Variants in KCNIP1 observed in about 807,000 individuals in gnomAD.
KCNIP1 encodes the protein A-type potassium channel modulatory protein KCNIP1.
A neutral mutation model predicts 33.0 loss-of-function variants in KCNIP1; 18 were observed. The observed-to-expected ratio is 0.55, with a 90% CI of 0.38 to 0.81. KCNIP1 has a LOEUF of 0.81. Ranked by LOEUF, KCNIP1 falls within the 30% of genes least tolerant of loss-of-function variation. The probability of loss-of-function intolerance (pLI) is 0.00; values close to 1 mark genes in which losing one functional copy is unlikely to be tolerated. For synonymous variants in KCNIP1, 93 were observed against 98.3 expected, an observed-to-expected ratio of 0.95 and a Z score of 0.32; for missense variants, 238 against 271.6, an observed-to-expected ratio of 0.88 and a Z score of 0.87.
chr5:170,502,931 A>G (rs1035966399), upstream of KCNIP1, among the ~76,000 whole-genome samples: 3 of 152,168 alleles, frequency 2.0e-5, no homozygotes, highest in Non-Finnish European at 2.9e-5. Flanking sequence ...CAGGGACGCA[A>G]ACTTTGCCCA....
At position 170,510,333 on chromosome 5, in the gene KCNIP1, A is replaced by G. The variant is rs573708590; in HGVS notation, c.61+5700A>G. ...TCCCAGGGCCTCTGTCAGGCCTGAC[A>G]CTGCATCCAGGCTTGATGGATGCTG... On this transcript the variant is annotated intron_variant, in intron 1 of 7. Coordinates refer to ENST00000328939, the MANE Select transcript of KCNIP1 (RefSeq NM_014592.4). Among the ~76,000 whole-genome samples the G allele has an allele frequency of 3.9e-5, 6 of 152,364 alleles. No individual in the cohort carries two copies. In the South Asian group the frequency reaches 1.2e-3, roughly 32 times the overall value.
At chr5:170,572,624 C>T (rs1015781476) in intron 1 of KCNIP1, among the ~76,000 whole-genome samples, 1 of 152,204 alleles carries the variant, frequency 6.6e-6, no homozygotes, top group Non-Finnish European at 1.5e-5. Context: ...GATTAATCGC[C>T]TCTCAGTTTT....
intron 1 of KCNIP1, among the ~76,000 whole-genome samples, chr5:170,535,696 C>T (rs1265111090): frequency 6.6e-6 from 1 of 152,150 alleles, no homozygotes; most frequent in Non-Finnish European, 1.5e-5. Flanking sequence ...AGGTCTTTCC[C>T]TAAGCAAACA....
Position 170,593,468 on chromosome 5 carries a change from G to A in KCNIP1, c.61+88835G>A, listed in dbSNP as rs77913780. Among the ~76,000 whole-genome samples, 782 of 152,308 alleles carry A rather than the reference G, an allele frequency of 5.1e-3. 8 individuals carry two copies. The highest frequency in any genetic ancestry group is 0.017 in the African/African-American group (718 of 41,570). On this transcript the variant is annotated intron_variant, in intron 1 of 7. Coordinates refer to ENST00000328939, the MANE Select transcript of KCNIP1 (RefSeq NM_014592.4). ...TACTTTGGAGGGGTGTGTGGAGGCC[G>A]AGTAACACCGCCTTCCATCTCAGTG...
At chr5:170,412,893 C>T (rs1472694003) in intron 1 of KCNIP1, among the ~76,000 whole-genome samples, 4 of 152,280 alleles carry the variant, frequency 2.6e-5, no homozygotes, top group Non-Finnish European at 5.9e-5. Context: ...CCCTCATTTA[C>T]ACCACACACC....
chr5:170,448,845 C>A (rs1037781264), intron 1 of KCNIP1, among the ~76,000 whole-genome samples: 2 of 152,166 alleles, frequency 1.3e-5, no homozygotes, highest in Admixed American at 6.5e-5. Flanking sequence ...GCCTAACAGA[C>A]ACTTAAAATA....
chr5:170,621,935 G>A (rs1011933525), intron 1 of KCNIP1, among the ~76,000 whole-genome samples: 1 of 152,222 alleles, frequency 6.6e-6, no homozygotes, highest in Non-Finnish European at 1.5e-5. Flanking sequence ...TCATAAGCCA[G>A]TATAGAGACG....
At chr5:170,611,642 C>G (rs978205594) in intron 1 of KCNIP1, among the ~76,000 whole-genome samples, 2 of 152,212 alleles carry the variant, frequency 1.3e-5, no homozygotes, top group Non-Finnish European at 2.9e-5. Context: ...ACCCGGCACA[C>G]CCACCTCCCA....
chr5:170,683,305 T>C (rs759165027), intron 1 of KCNIP1, among the ~76,000 whole-genome samples: 3 of 152,204 alleles, frequency 2.0e-5, no homozygotes, highest in Admixed American at 6.5e-5. Flanking sequence ...TTAAATATCA[T>C]GATTCCTTTT....
At chr5:170,542,223 G>A (rs1756238009) in intron 1 of KCNIP1, among the ~76,000 whole-genome samples, 1 of 152,164 alleles carries the variant, frequency 6.6e-6, no homozygotes, top group African/African-American at 2.4e-5. Flanking sequence ...GTGACCCCCT[G>A]GAGAGAGAAA....
chr5:170,515,311 C>A (rs1359942092), intron 1 of KCNIP1, among the ~76,000 whole-genome samples: 1 of 152,200 alleles, frequency 6.6e-6, no homozygotes, highest in Non-Finnish European at 1.5e-5. Context: ...TTGCCTATTG[C>A]ATCTGTTCTC....
intron 1 of KCNIP1, among the ~76,000 whole-genome samples, chr5:170,490,099 C>G (rs907075750): frequency 2.0e-5 from 3 of 152,244 alleles, no homozygotes; most frequent in African/African-American, 7.2e-5. Flanking sequence ...CAGCCAATAC[C>G]TGCATGTACA....
chr5:170,631,260 C>G lies in KCNIP1; in HGVS notation c.62-87498C>G, dbSNP rs907135371. ...ATCTGTGAAATGGGTGTTAGAATTC[C>G]TACCTCCCAGGACAGCTGTGGGCAG... On this transcript the variant is annotated intron_variant, in intron 1 of 7. Coordinates refer to ENST00000328939, the MANE Select transcript of KCNIP1 (RefSeq NM_014592.4). Among the ~76,000 whole-genome samples the G allele has an allele frequency of 2.6e-5, 4 of 152,236 alleles. No homozygotes were observed. The South Asian group carries it at 8.3e-4, about 32-fold the overall frequency.
intron 1 of KCNIP1, among the ~76,000 whole-genome samples, chr5:170,630,230 AACTC>A (rs1354870719): frequency 2.0e-5 from 3 of 152,264 alleles, no homozygotes; most frequent in Admixed American, 1.3e-4. Flanking sequence ...TATGTTATAA[AACTC>A]AATCAATATT....
intron 1 of KCNIP1, among the ~76,000 whole-genome samples, chr5:170,567,920 T>G (rs1275247766): frequency 6.6e-6 from 1 of 152,110 alleles, no homozygotes; most frequent in Non-Finnish European, 1.5e-5. Context: ...GGCTACATCC[T>G]TGGCAAAGGA....
At chr5:170,495,868 T>TGA (rs1354661507) in intron 1 of KCNIP1, among the ~76,000 whole-genome samples, 5 of 152,338 alleles carry the variant, frequency 3.3e-5, no homozygotes, top group African/African-American at 1.2e-4. Context: ...CGAGGGCAGC[T>TGA]GAGACTCTTT....
chr5:170,602,959 G>A (rs1758754852), intron 1 of KCNIP1, among the ~76,000 whole-genome samples: 1 of 152,192 alleles, frequency 6.6e-6, no homozygotes, highest in Non-Finnish European at 1.5e-5. Flanking sequence ...CTGGCCCCGA[G>A]TGAGCCAGCT....
intron 1 of KCNIP1, among the ~76,000 whole-genome samples, chr5:170,433,056 C>T (rs1755779000): frequency 1.3e-5 from 2 of 152,244 alleles, no homozygotes; most frequent in African/African-American, 4.8e-5. Flanking sequence ...TTCTCCATGG[C>T]TCTCAATCCA....
intron 1 of KCNIP1, among the ~76,000 whole-genome samples, chr5:170,610,741 G>A (rs1425387632): frequency 1.3e-5 from 2 of 152,188 alleles, no homozygotes; most frequent in Admixed American, 6.5e-5. Flanking sequence ...TTAGTATGGT[G>A]CTTAGTATGC....
Sources: gnomAD v4.1 joint callset for allele counts (sites outside exome capture counted in the v4.1 genomes callset) on GRCh38, gnomAD v4.1.1 for gene constraint, MANE v1.5 for transcripts, NCBI Gene and HGNC (gene_info 2026-07-23, HGNC 2026-07-21) for gene names.